The following NAV3 variants were observed in gnomAD, a reference collection of about 807,000 sequenced individuals.
NAV3 encodes the protein neuron navigator 3.
In NAV3, 87 loss-of-function variants were observed where a neutral mutation model predicts 244.7. The ratio of observed to expected loss-of-function variants is 0.36; its 90% CI spans 0.30 to 0.42. The LOEUF (loss-of-function observed/expected upper bound fraction) is 0.42, where lower values mean the gene tolerates loss of function less well. Ranked by LOEUF, NAV3 falls within the 20% of genes least tolerant of loss-of-function variation. NAV3 has a pLI of 1.00. For synonymous variants in NAV3, 1,126 were observed against 1,042.2 expected, an observed-to-expected ratio of 1.08 and a Z score of -1.55; for missense variants, 2,663 against 2,893.3, an observed-to-expected ratio of 0.92 and a Z score of 1.83.
chr12:77,684,229 C>T (rs1213353391), intron 2 of NAV3, among the ~76,000 whole-genome samples: 6 of 152,026 alleles, frequency 3.9e-5, no homozygotes, highest in Admixed American at 1.3e-4. Flanking sequence ...TTCACATATA[C>T]TCTTCTGAAG....
At chr12:78,093,297 T>A (rs1954060142) in intron 12 of NAV3, among the ~76,000 whole-genome samples, 1 of 152,210 alleles carries the variant, frequency 6.6e-6, no homozygotes, top group Non-Finnish European at 1.5e-5. Context: ...TAATTACTCA[T>A]CTATCTTTTT....
At chr12:78,188,861 C>T (rs1226488321) in intron 33 of NAV3, 84 bp downstream of exon 33, 1 of 1,316,408 alleles carries the variant, frequency 7.6e-7, no homozygotes, top group Non-Finnish European at 1.0e-6. Flanking sequence ...TGGCCAGTTT[C>T]CCTTAAAATT....
chr12:77,647,495 T>C (rs1872655238), intron 2 of NAV3, among the ~76,000 whole-genome samples: 1 of 151,858 alleles, frequency 6.6e-6, no homozygotes, highest in Non-Finnish European at 1.5e-5. Context: ...CCAAACTAGA[T>C]GAATTTTTTT....
At chr12:77,973,881 A>G (rs1393996202) in intron 5 of NAV3, among the ~76,000 whole-genome samples, 3 of 152,216 alleles carry the variant, frequency 2.0e-5, no homozygotes, top group Non-Finnish European at 4.4e-5. Flanking sequence ...TTAATCGATT[A>G]AACTTTAAAT....
chr12:78,062,337 C>T (rs1884441855), intron 12 of NAV3, among the ~76,000 whole-genome samples: 1 of 151,918 alleles, frequency 6.6e-6, no homozygotes, highest in South Asian at 2.1e-4. Flanking sequence ...TTTTTAAAGA[C>T]CTTTCAGATG....
At chr12:77,904,849 A>G (rs1299702744) in intron 1 of NAV3, among the ~76,000 whole-genome samples, 2 of 151,942 alleles carry the variant, frequency 1.3e-5, no homozygotes, top group Non-Finnish European at 2.9e-5. Context: ...ACTTATGTCT[A>G]CTGTAATTTT....
At chr12:77,813,512 T>G (rs1313055046) in intron 2 of NAV3, among the ~76,000 whole-genome samples, 1 of 152,194 alleles carries the variant, frequency 6.6e-6, no homozygotes, top group African/African-American at 2.4e-5. Flanking sequence ...CAGATATCAT[T>G]GATTTAACTT....
At chr12:77,817,237 G>GCAAGCTT (rs1412064594) in intron 2 of NAV3, among the ~76,000 whole-genome samples, 1 of 152,148 alleles carries the variant, frequency 6.6e-6, no homozygotes, top group Admixed American at 6.6e-5. Context: ...ATGAGAGCAA[G>GCAAGCTT]CAAGCTTTAA....
chr12:78,040,150 G>A lies in NAV3; in HGVS notation c.2024-9843G>A, dbSNP rs1880604624. ...TTTAAGACCATGCAATCAGTCCTTA[G>A]GGGGTTTGTAAGTACATTTAGTTTT... On this transcript the variant is annotated intron_variant, in intron 9 of 39. Transcript: ENST00000397909. 2.0e-5 allele frequency among the ~76,000 whole-genome samples: 3 copies of A among 152,258 alleles called. No homozygotes were observed. In the South Asian group the frequency reaches 6.2e-4, roughly 32 times the overall value.
chr12:77,729,278 C>G (rs1280274725), intron 2 of NAV3, among the ~76,000 whole-genome samples: 1 of 151,924 alleles, frequency 6.6e-6, no homozygotes, highest in African/African-American at 2.4e-5. Flanking sequence ...TGGCAATCAT[C>G]AGTGTGTTGG....
intron 6 of NAV3, among the ~76,000 whole-genome samples, chr12:77,997,259 AAAG>A (rs1239389546): frequency 6.6e-6 from 1 of 150,484 alleles, no homozygotes. Flanking sequence ...AAAAAAAAAA[AAAG>A]AATGTCAATA....
chr12:77,723,595 A>C (rs1277793189), intron 2 of NAV3, among the ~76,000 whole-genome samples: 1 of 151,840 alleles, frequency 6.6e-6, no homozygotes, highest in African/African-American at 2.4e-5. Flanking sequence ...TGGTTCACAC[A>C]CCTTCTCCCT....
intron 24 of NAV3, among the ~76,000 whole-genome samples, chr12:78,171,988 C>T (rs1297981220): frequency 6.6e-6 from 1 of 151,384 alleles, no homozygotes; most frequent in Non-Finnish European, 1.5e-5. Flanking sequence ...TGTTTACAAA[C>T]ATATTTAAAC....
intron 12 of NAV3, among the ~76,000 whole-genome samples, chr12:78,074,222 C>T (rs1952930121): frequency 1.3e-5 from 2 of 152,160 alleles, no homozygotes; most frequent in Non-Finnish European, 2.9e-5. Flanking sequence ...AATAGTAGAA[C>T]ACAGTGCCTA....
intron 1 of NAV3, among the ~76,000 whole-genome samples, chr12:77,842,583 T>TG (rs1875867621): frequency 6.7e-6 from 1 of 148,676 alleles, no homozygotes; most frequent in Non-Finnish European, 1.5e-5. Context: ...GCCAAATAGG[T>TG]GACTGCATTG....
chr12:78,115,630 A>G (rs1370591698), intron 12 of NAV3, among the ~76,000 whole-genome samples: 1 of 152,188 alleles, frequency 6.6e-6, no homozygotes, highest in East Asian at 1.9e-4. Flanking sequence ...TCATTGAAGG[A>G]CCACATCTAT....
intron 12 of NAV3, among the ~76,000 whole-genome samples, chr12:78,093,583 T>C (rs897602413): frequency 1.3e-5 from 2 of 152,034 alleles, no homozygotes; most frequent in African/African-American, 4.8e-5. Flanking sequence ...GGAAAAGCTA[T>C]AGGGAATAGA....
At position 78,188,653 on chromosome 12, in the gene NAV3, C is replaced by T. The variant is rs560257790; in HGVS notation, c.5931C>T (p.Ser1977=). The T allele has an allele frequency of 1.2e-6, 2 of 1,612,134 alleles. No individual in the cohort carries two copies. The highest frequency in any genetic ancestry group is 1.7e-5 in the Admixed American group (1 of 59,868). The part of the protein sequence containing the change: ...RIDTSTSLGL[S]SDCIASYCIG... ...ATACATCCACTAGCCTTGGTCTGAG[C>T]TCTGACTGCATTGCTAGCTACTGTA... Residue 1977 remains serine (S), a synonymous_variant, in exon 33 of 40, where the codon AGC becomes AGT. Coordinates refer to ENST00000397909, the MANE Select transcript of NAV3 (RefSeq NM_001024383.2).
At chr12:77,735,539 T>C (rs1450125640) in intron 2 of NAV3, among the ~76,000 whole-genome samples, 1 of 152,150 alleles carries the variant, frequency 6.6e-6, no homozygotes, top group Non-Finnish European at 1.5e-5. Flanking sequence ...TTCCTTTTAG[T>C]TTGATTAAAA....
Sources: allele counts gnomAD v4.1 joint callset (sites outside exome capture counted in the v4.1 genomes callset), GRCh38; gene constraint gnomAD v4.1.1; transcripts MANE v1.5; gene names NCBI Gene and HGNC (gene_info 2026-07-23, HGNC 2026-07-21).